Variants in SUGT1 observed in about 807,000 individuals in gnomAD.
The protein encoded by SUGT1 is SGT1 assembly cochaperone of MIS12 kinetochore complex.
SUGT1 carries 15 observed loss-of-function variants against 56.1 expected under a neutral mutation model. The observed-to-expected ratio is 0.27, with a 90% CI of 0.18 to 0.41. SUGT1 has a LOEUF of 0.41. SUGT1 is among the 10% of genes least tolerant of loss of function. The pLI is 1.00. For synonymous variants in SUGT1, 123 were observed against 128.6 expected (o/e 0.96, Z 0.30); for missense variants, 347 against 382.2 (o/e 0.91, Z 0.77).
At chr13:52,663,904 G>A (rs1047887186) in intron 7 of SUGT1, 131 bp from the exon 8 acceptor site, 51 of 883,988 alleles carry the variant, frequency 5.8e-5, no homozygotes, top group Non-Finnish European at 8.6e-5. Context: ...AAATTTTCAT[G>A]TAGTTATTTT....
intron 10 of SUGT1, among the ~76,000 whole-genome samples, chr13:52,674,166 C>G (rs1390779591): frequency 1.4e-5 from 2 of 145,980 alleles, no homozygotes; most frequent in African/African-American, 5.1e-5. Context: ...GCAATTCTGT[C>G]TCAGACTCCC....
intron 8 of SUGT1, 65 bp downstream of exon 8, chr13:52,664,122 G>A (rs1470950023): frequency 8.1e-6 from 12 of 1,478,958 alleles, no homozygotes; most frequent in Non-Finnish European, 1.1e-5. Context: ...AAACCCTGTA[G>A]TTTAATAGTA....
At position 52,696,788 on chromosome 13, in the gene SUGT1, C is replaced by T. The variant is rs946645041; in HGVS notation, c.*8953C>T. On this transcript the variant is annotated 3_prime_UTR_variant, in exon 13 of 13. Coordinates refer to ENST00000310528, the MANE Select transcript of SUGT1 (RefSeq NM_006704.5). ...GTAGCTGAGACTAGGCGTGCACCAC[C>T]GTTTCTGACAGGATTTTAATTTTTA... The T allele has an allele frequency of 5.3e-5, 8 of 151,564 alleles. No homozygotes were observed. The highest frequency in any genetic ancestry group is 1.5e-4 in the African/African-American group (6 of 41,230). 9.4% of individuals were successfully genotyped at this position (151,564 alleles called of 1,614,324 possible). A position where few individuals can be genotyped will look rare whatever the true frequency, so the allele number is the denominator to read the frequency against.
In SUGT1 at chr13:52,700,806, T is replaced by C. The variant is rs1964058799; in HGVS notation, c.*12971T>C. The C allele has an allele frequency of 6.6e-6, 1 of 152,224 alleles. No individual in the cohort carries two copies. The highest frequency in any genetic ancestry group is 1.5e-5 in the Non-Finnish European group (1 of 68,032). The allele number at this position is 152,224 out of a possible 1,614,324, so 9.4% of individuals were successfully genotyped here. ...CATGTTCATAAAACAGATCAACATA[T>C]TTAGCTTATACAGAAATAAAATTAA... is the stretch of plus-strand genomic sequence containing the variant. On this transcript the variant is annotated 3_prime_UTR_variant, in exon 13 of 13. Transcript: ENST00000310528.
chr13:52,680,231 G>C (rs949344408), intron 12 of SUGT1, 76 bp downstream of exon 12: 51 of 1,402,354 alleles, frequency 3.6e-5, no homozygotes, highest in Non-Finnish European at 4.5e-5. Flanking sequence ...GGTAATGTGA[G>C]ACCAAATTGC....
At position 52,699,895 on chromosome 13, in the gene SUGT1, G is replaced by C. The variant is rs536207393; in HGVS notation, c.*12060G>C. On this transcript the variant is annotated 3_prime_UTR_variant, in exon 13 of 13. Transcript: ENST00000310528. ...GCTAGTAAAAAGTATATAGAGGTAT[G>C]TCTTTCACACTATCTTGTTACTATT... The C allele has an allele frequency of 3.9e-5, 6 of 152,270 alleles. No individual in the cohort carries two copies. The highest frequency in any genetic ancestry group is 1.4e-4 in the African/African-American group (6 of 41,568). 9.4% of individuals were successfully genotyped at this position (152,270 alleles called of 1,614,324 possible).
intron 12 of SUGT1, chr13:52,687,388 G>A (rs2138182540): frequency 6.4e-6 from 1 of 155,064 alleles, no homozygotes; most frequent in South Asian, 2.1e-4. Context: ...ATTTTTTTTG[G>A]GAGCTAATAA....
At position 52,658,382 on chromosome 13, in the gene SUGT1, C is replaced by T. The variant is rs758346221; in HGVS notation, c.188-17C>T. 1.1e-5 allele frequency: 17 copies of T among 1,608,924 alleles called. No homozygotes were observed. In the East Asian group the frequency reaches 1.3e-4, roughly 13 times the overall value. The stretch of plus-strand genomic sequence containing the variant: ...ATCTATAAATAACTGACTAAAAACC[C>T]GTCTTTTTCTACACAGTTGCTGTTG... On this transcript the variant is annotated splice_polypyrimidine_tract_variant and intron_variant, in intron 3 of 12. Coordinates refer to ENST00000310528, the MANE Select transcript of SUGT1 (RefSeq NM_006704.5).
chr13:52,668,999 A>G (rs1372625822), intron 10 of SUGT1, among the ~76,000 whole-genome samples: 1 of 152,190 alleles, frequency 6.6e-6, no homozygotes, highest in Non-Finnish European at 1.5e-5. Context: ...TGAGGATGTA[A>G]TTAAGCACTC....
At position 52,694,892 on chromosome 13, in the gene SUGT1, T is replaced by C. The variant is rs1218352762; in HGVS notation, c.*7057T>C. 1 of 152,206 alleles carries C rather than the reference T, an allele frequency of 6.6e-6. No homozygotes were observed. Among genetic ancestry groups the C allele is most frequent in the African/African-American group, 2.4e-5 (1 of 41,428 alleles). 9.4% of individuals were successfully genotyped at this position (152,206 alleles called of 1,614,324 possible). A position where few individuals can be genotyped will look rare whatever the true frequency, so the allele number is the denominator to read the frequency against. On this transcript the variant is annotated 3_prime_UTR_variant, in exon 13 of 13. Coordinates refer to ENST00000310528, the MANE Select transcript of SUGT1 (RefSeq NM_006704.5). ...TTTAGTAGAGACAAGAGTTTCACCG[T>C]GTTAGCCAGGATGGTCTCATCTCCT...
In SUGT1 at chr13:52,660,638, T is replaced by C. The variant is rs187173937; in HGVS notation, c.328+1389T>C. ...GAGAGGTCTGGGTGATAAGGCTTAT[T>C]CTCAAACTTGCTTATCCCAGTTTTG... On this transcript the variant is annotated intron_variant, in intron 5 of 12. Coordinates refer to ENST00000310528, the MANE Select transcript of SUGT1 (RefSeq NM_006704.5). Among the ~76,000 whole-genome samples, 14 of 152,308 alleles carry C rather than the reference T, an allele frequency of 9.2e-5. No homozygotes were observed. The East Asian group carries it at 2.5e-3, about 27-fold the overall frequency.
intron 8 of SUGT1, among the ~76,000 whole-genome samples, chr13:52,665,407 G>A (rs1358191630): frequency 6.6e-6 from 1 of 152,148 alleles, no homozygotes; most frequent in African/African-American, 2.4e-5. Flanking sequence ...AATCATGCAA[G>A]TATTTAAGTC....
chr13:52,654,786 A>G (rs991058571), intron 2 of SUGT1, among the ~76,000 whole-genome samples: 1 of 152,258 alleles, frequency 6.6e-6, no homozygotes, highest in Non-Finnish European at 1.5e-5. Flanking sequence ...TTGCTGTGTA[A>G]TATTCCATTG....
intron 10 of SUGT1, among the ~76,000 whole-genome samples, chr13:52,671,347 G>C (rs933347444): frequency 6.6e-6 from 1 of 151,712 alleles, no homozygotes; most frequent in Non-Finnish European, 1.5e-5. Context: ...TTTTTAAACA[G>C]CTACATTTTG....
At chr13:52,684,674 C>T (rs142491966) in intron 12 of SUGT1, among the ~76,000 whole-genome samples, 5 of 151,814 alleles carry the variant, frequency 3.3e-5, no homozygotes, top group Admixed American at 6.6e-5. Context: ...CACAGGCATG[C>T]GCCACCATTC....
intron 7 of SUGT1, 110 bp from the exon 8 acceptor site, chr13:52,663,925 A>C: frequency 1.0e-6 from 1 of 992,788 alleles, no homozygotes; most frequent in Non-Finnish European, 1.5e-6. Flanking sequence ...ATATCAAAAT[A>C]ACTGCAGTGT....
chr13:52,679,679 CATG>C (rs1392301212), intron 11 of SUGT1, among the ~76,000 whole-genome samples: 1 of 152,136 alleles, frequency 6.6e-6, no homozygotes, highest in African/African-American at 2.4e-5. Flanking sequence ...CTGTTATCAA[CATG>C]AAGAATCTGC....
Position 52,690,820 on chromosome 13 carries a change from AAG to A in SUGT1, c.*2988_*2989del, listed in dbSNP as rs1471414000. Reference sequence around the variant, plus strand: ...TATAGGGAGTGAAATGGAATGGAGAAAGAGGATGGCTTGCATTAATAACTCTA... The same window carrying A: ...TATAGGGAGTGAAATGGAATGGAGAAAGGATGGCTTGCATTAATAACTCTA... On this transcript the variant is annotated 3_prime_UTR_variant, in exon 13 of 13. Coordinates refer to ENST00000310528, the MANE Select transcript of SUGT1 (RefSeq NM_006704.5). The A allele has an allele frequency of 3.9e-5, 6 of 152,338 alleles. No homozygotes were observed. Among genetic ancestry groups the A allele is most frequent in the African/African-American group, 1.2e-4 (5 of 41,578 alleles). The allele number at this position is 152,338 out of a possible 1,614,324, so 9.4% of individuals were successfully genotyped here.
intron 11 of SUGT1, 95 bp from the exon 12 acceptor site, chr13:52,679,879 C>T (rs1279312462): frequency 8.1e-7 from 1 of 1,232,276 alleles, no homozygotes; most frequent in Non-Finnish European, 1.1e-6. Context: ...AAACTGTTTG[C>T]TAAGATGTTC....
Sources: allele counts gnomAD v4.1 joint callset (sites outside exome capture counted in the v4.1 genomes callset), GRCh38; gene constraint gnomAD v4.1.1; transcripts MANE v1.5; gene names NCBI Gene and HGNC (gene_info 2026-07-23, HGNC 2026-07-21).